PDE11A: variants seen among roughly 807,000 people sequenced by gnomAD.
The protein encoded by PDE11A is phosphodiesterase 11A.
Under a neutral mutation model 100.5 loss-of-function variants are expected in PDE11A, and 100 were observed. That is an observed-to-expected ratio of 1.00 (90% CI 0.85 to 1.18). The LOEUF (loss-of-function observed/expected upper bound fraction) is 1.18. PDE11A is among the 50% of genes most tolerant of loss of function. The pLI, the probability that PDE11A is intolerant of heterozygous loss-of-function variation, is 0.00. For synonymous variants in PDE11A, 381 were observed against 420.8 expected, an observed-to-expected ratio of 0.91 and a Z score of 1.16; for missense variants, 1,141 against 1,152.6, an observed-to-expected ratio of 0.99 and a Z score of 0.15.
chr2:177,697,431 C>T lies in PDE11A; in HGVS notation c.2246G>A (p.Gly749Asp), dbSNP rs778000708. The change falls in exon 15 of 20, where the codon GGT (glycine) becomes GAT (aspartate). Residue 749 changes from glycine to aspartate, a missense_variant and splice_region_variant. By Grantham distance (94) the Gly-to-Asp change is moderately conservative (BLOSUM62 -1). Coordinates refer to ENST00000286063, the MANE Select transcript of PDE11A (RefSeq NM_016953.4). ...GGACAGGTTAGCAAAGATATTGTGA[C>T]CCTGTAATGAGAAAGTAAAAAGTCA... ...NHAVMILQSE[G>D]HNIFANLSSK... 20 of 1,470,938 alleles carry T rather than the reference C, an allele frequency of 1.4e-5. No individual in the cohort carries two copies. Among genetic ancestry groups the T allele is most frequent in the East Asian group, 2.3e-5 (1 of 44,168 alleles). The allele number at this position is 1,470,938 out of a possible 1,614,324, so 91.1% of individuals were successfully genotyped here.
At chr2:177,784,045 A>T (rs992355456) in intron 9 of PDE11A, among the ~76,000 whole-genome samples, 2 of 151,952 alleles carry the variant, frequency 1.3e-5, no homozygotes, top group Non-Finnish European at 2.9e-5. Flanking sequence ...CCTCCAGATC[A>T]GATAGAGATG....
intron 2 of PDE11A, among the ~76,000 whole-genome samples, chr2:177,953,875 G>T (rs186360593): frequency 6.6e-6 from 1 of 151,976 alleles, no homozygotes; most frequent in Non-Finnish European, 1.5e-5. Flanking sequence ...AGGATAGTTC[G>T]CAAACTAAGG....
At chr2:178,096,482 C>A (rs1035822247) in intron 2 of PDE11A, among the ~76,000 whole-genome samples, 1 of 151,934 alleles carries the variant, frequency 6.6e-6, no homozygotes, top group East Asian at 1.9e-4. Flanking sequence ...CCACGTTTTT[C>A]TTTTCTGCCA....
chr2:177,814,276 T>C (rs2083001538), intron 9 of PDE11A, among the ~76,000 whole-genome samples: 1 of 124,284 alleles, frequency 8.0e-6, no homozygotes, highest in South Asian at 2.4e-4. Context: ...AATACATAAA[T>C]TTAAAAATAT....
chr2:177,713,987 C>CTTTT (rs57211363), intron 12 of PDE11A, among the ~76,000 whole-genome samples: 2,340 of 77,310 alleles, frequency 0.03, 425 homozygotes, highest in South Asian at 0.048. Context: ...TTTCTTTTTT[C>CTTTT]TTTTTTTTTT....
At chr2:177,666,126 A>G (rs143709225) in intron 18 of PDE11A, among the ~76,000 whole-genome samples, 4 of 152,190 alleles carry the variant, frequency 2.6e-5, no homozygotes, top group Admixed American at 6.5e-5. Context: ...TACTTTCTCT[A>G]TCTATGGATT....
intron 1 of PDE11A, among the ~76,000 whole-genome samples, chr2:178,106,501 T>C (rs2087619105): frequency 6.6e-6 from 1 of 152,214 alleles, no homozygotes; most frequent in Non-Finnish European, 1.5e-5. Flanking sequence ...CAGAATTCAG[T>C]GAGCCTTTGA....
At chr2:177,701,955 A>G (rs1423322349) in intron 13 of PDE11A, among the ~76,000 whole-genome samples, 1 of 152,192 alleles carries the variant, frequency 6.6e-6, no homozygotes, top group Non-Finnish European at 1.5e-5. Context: ...CTAAGATTAT[A>G]TTATCTACCT....
At chr2:177,664,237 A>T (rs1055136927) in intron 18 of PDE11A, among the ~76,000 whole-genome samples, 1 of 152,234 alleles carries the variant, frequency 6.6e-6, no homozygotes, top group South Asian at 2.1e-4. Context: ...AAATCAAGTC[A>T]TCAGGTCACT....
intron 12 of PDE11A, among the ~76,000 whole-genome samples, chr2:177,724,498 C>T (rs955400408): frequency 7.9e-5 from 12 of 152,176 alleles, no homozygotes; most frequent in South Asian, 4.2e-4. Flanking sequence ...TCCTGTTGTA[C>T]GTGGTGCCAA....
At chr2:178,083,197 TC>T (rs1229823261) in intron 2 of PDE11A, among the ~76,000 whole-genome samples, 16 of 151,632 alleles carry the variant, frequency 1.1e-4, no homozygotes, top group Non-Finnish European at 1.9e-4. Context: ...CCTCCCGGGT[TC>T]AAGCAATTCT....
chr2:177,809,891 T>C (rs1558949228), intron 9 of PDE11A, among the ~76,000 whole-genome samples: 1 of 152,196 alleles, frequency 6.6e-6, no homozygotes, highest in Non-Finnish European at 1.5e-5. Flanking sequence ...TCTCTGAGTC[T>C]AGCCCTTTCA....
chr2:177,838,565 G>A (rs1431524061), intron 6 of PDE11A, among the ~76,000 whole-genome samples: 1 of 152,054 alleles, frequency 6.6e-6, no homozygotes, highest in Non-Finnish European at 1.5e-5. Flanking sequence ...TGCTGACAGG[G>A]GGCACTATTT....
rs2085315163 is a variant in PDE11A, at chr2:177,939,277, C to G, written c.1072-34090G>C. Among the ~76,000 whole-genome samples the G allele has an allele frequency of 3.3e-5, 5 of 150,694 alleles. 1 individual carries two copies. Among genetic ancestry groups the G allele is most frequent in the Admixed American group, 2.7e-4 (4 of 15,074 alleles). On this transcript the variant is annotated intron_variant, in intron 2 of 19. Coordinates refer to ENST00000286063, the MANE Select transcript of PDE11A (RefSeq NM_016953.4). The stretch of plus-strand genomic sequence containing the variant: ...TATCTCCTGGCAGAGGCATACTACA[C>G]TACAACTAATAAAGCCATATTACCA...
intron 10 of PDE11A, among the ~76,000 whole-genome samples, chr2:177,739,258 ACTCCAC>A (rs2081838072): frequency 1.3e-5 from 2 of 152,018 alleles, no homozygotes; most frequent in Non-Finnish European, 2.9e-5. Flanking sequence ...AACGTGCTGC[ACTCCAC>A]CGTGCAGCAA....
chr2:178,004,762 C>T (rs1053922209), intron 2 of PDE11A, among the ~76,000 whole-genome samples: 1 of 151,296 alleles, frequency 6.6e-6, no homozygotes, highest in East Asian at 1.9e-4. Context: ...AGCAAGCTCT[C>T]CTTACCCCCC....
chr2:178,104,663 C>T (rs1342043224), intron 1 of PDE11A, among the ~76,000 whole-genome samples: 2 of 152,118 alleles, frequency 1.3e-5, no homozygotes, highest in Non-Finnish European at 2.9e-5. Context: ...TTATAACATC[C>T]AATTTCATAA....
chr2:177,840,189 C>G (rs1198125988), intron 6 of PDE11A, 62 bp downstream of exon 6: 6 of 1,533,522 alleles, frequency 3.9e-6, no homozygotes, highest in Non-Finnish European at 5.4e-6. Flanking sequence ...TTTTGTGTTT[C>G]AACTGTTTTC....
intron 9 of PDE11A, among the ~76,000 whole-genome samples, chr2:177,785,092 C>T (rs1437860675): frequency 2.0e-5 from 3 of 152,168 alleles, no homozygotes; most frequent in Non-Finnish European, 4.4e-5. Flanking sequence ...GGCTTTGTGT[C>T]AGACTGCTGA....
Sources: gnomAD v4.1 joint callset for allele counts (sites outside exome capture counted in the v4.1 genomes callset) on GRCh38, gnomAD v4.1.1 for gene constraint, MANE v1.5 for transcripts, NCBI Gene and HGNC (gene_info 2026-07-23, HGNC 2026-07-21) for gene names.